ITFG1: variants seen among roughly 807,000 people sequenced by gnomAD.
ITFG1 encodes the protein T-cell immunomodulatory protein.
In ITFG1, 34 loss-of-function variants were observed where a neutral mutation model predicts 81.8. The observed-to-expected ratio is 0.42, with a 90% CI of 0.32 to 0.55. The LOEUF is 0.55. ITFG1 is among the 20% of genes least tolerant of loss of function. ITFG1 has a pLI of 0.17. For missense variants in ITFG1, 672 were observed against 755.4 expected, an observed-to-expected ratio of 0.89 and a Z score of 1.29; for synonymous variants, 285 against 270.6, an observed-to-expected ratio of 1.05 and a Z score of -0.52.
chr16:47,171,167 A>G (rs985943916), intron 14 of ITFG1, among the ~76,000 whole-genome samples: 1 of 150,828 alleles, frequency 6.6e-6, no homozygotes, highest in African/African-American at 2.4e-5. Flanking sequence ...GGTGCATGCC[A>G]CCACACATGG....
chr16:47,206,505 C>T (rs1965501722), intron 14 of ITFG1, among the ~76,000 whole-genome samples: 1 of 152,204 alleles, frequency 6.6e-6, no homozygotes, highest in Admixed American at 6.5e-5. Context: ...ATATGAAACT[C>T]CATACCTATC....
chr16:47,447,245 A>G (rs1969335695), intron 5 of ITFG1, among the ~76,000 whole-genome samples: 1 of 152,210 alleles, frequency 6.6e-6, no homozygotes, highest in Non-Finnish European at 1.5e-5. Context: ...ACAAGGAAAC[A>G]AAGTTTTAAT....
chr16:47,261,139 A>G lies in ITFG1; in HGVS notation c.1071-444T>C, dbSNP rs77793833. 5.7e-4 allele frequency among the ~76,000 whole-genome samples: 87 copies of G among 152,340 alleles called. 1 individual carries two copies. The East Asian group carries it at 0.012, about 21-fold the overall frequency. Reference sequence around the variant, plus strand: ...TGCTCTCATAGGTGGTAGGGCAGATATTGCCAAGCATCTCTCAGATAACAG... The same window carrying G: ...TGCTCTCATAGGTGGTAGGGCAGATGTTGCCAAGCATCTCTCAGATAACAG... On this transcript the variant is annotated intron_variant, in intron 10 of 17. Transcript: ENST00000320640.
intron 13 of ITFG1, among the ~76,000 whole-genome samples, chr16:47,232,220 T>G (rs1596822968): frequency 2.0e-5 from 3 of 152,358 alleles, no homozygotes; most frequent in Middle Eastern, 6.8e-3. Context: ...ACTAAGTTTA[T>G]GTTAATTTGT....
chr16:47,327,572 C>T (rs1303071380), intron 8 of ITFG1, among the ~76,000 whole-genome samples: 2 of 152,110 alleles, frequency 1.3e-5, no homozygotes, highest in East Asian at 1.9e-4. Flanking sequence ...TTGCAACCTA[C>T]TCATCTGACA....
At chr16:47,223,808 A>G (rs1215724491) in intron 13 of ITFG1, among the ~76,000 whole-genome samples, 1 of 152,170 alleles carries the variant, frequency 6.6e-6, no homozygotes, top group African/African-American at 2.4e-5. Flanking sequence ...AAGACTTGGA[A>G]CCAACCCAAA....
At chr16:47,180,021 G>A (rs527856781) in intron 14 of ITFG1, among the ~76,000 whole-genome samples, 1 of 152,242 alleles carries the variant, frequency 6.6e-6, no homozygotes, top group African/African-American at 2.4e-5. Flanking sequence ...TGAAATATGT[G>A]GTAGACAGAA....
At chr16:47,438,835 G>A (rs1969205711) in intron 5 of ITFG1, among the ~76,000 whole-genome samples, 1 of 152,232 alleles carries the variant, frequency 6.6e-6, no homozygotes, top group East Asian at 1.9e-4. Context: ...GCTGGATGGA[G>A]AATGACTTTG....
chr16:47,394,142 A>G (rs1415708064), intron 6 of ITFG1, among the ~76,000 whole-genome samples: 4 of 152,204 alleles, frequency 2.6e-5, no homozygotes, highest in East Asian at 1.9e-4. Context: ...AACTCATTGC[A>G]TTATATTTTT....
chr16:47,167,077 C>G (rs1039729498), intron 14 of ITFG1, among the ~76,000 whole-genome samples: 1 of 152,300 alleles, frequency 6.6e-6, no homozygotes, highest in Admixed American at 6.5e-5. Context: ...ACTTTTTCAT[C>G]ACCCTATAAC....
intron 13 of ITFG1, among the ~76,000 whole-genome samples, chr16:47,219,930 A>G (rs901553767): frequency 5.9e-5 from 9 of 152,250 alleles, no homozygotes; most frequent in African/African-American, 2.2e-4. Flanking sequence ...CAAATATGCA[A>G]AATAAACTTA....
At chr16:47,441,980 A>G (rs941699045) in intron 5 of ITFG1, among the ~76,000 whole-genome samples, 5 of 152,218 alleles carry the variant, frequency 3.3e-5, no homozygotes, top group Non-Finnish European at 5.9e-5. Flanking sequence ...ACTTCAGCAA[A>G]GTCTCAGGAT....
intron 10 of ITFG1, among the ~76,000 whole-genome samples, chr16:47,302,879 T>C (rs1016934932): frequency 2.0e-5 from 3 of 152,224 alleles, no homozygotes; most frequent in Non-Finnish European, 4.4e-5. Flanking sequence ...TGCACATTGG[T>C]ATGAAGAAAA....
intron 5 of ITFG1, among the ~76,000 whole-genome samples, chr16:47,438,955 G>A (rs936599518): frequency 3.3e-5 from 5 of 152,118 alleles, no homozygotes; most frequent in African/African-American, 1.2e-4. Context: ...TAGACGAATG[G>A]ATAACTAGAA....
At chr16:47,212,993 C>T (rs1034990256) in intron 14 of ITFG1, among the ~76,000 whole-genome samples, 1 of 152,120 alleles carries the variant, frequency 6.6e-6, no homozygotes, top group Non-Finnish European at 1.5e-5. Context: ...TGGGTGCTTA[C>T]GTTATTAATC....
At chr16:47,440,332 G>A (rs1358852175) in intron 5 of ITFG1, among the ~76,000 whole-genome samples, 7 of 152,050 alleles carry the variant, frequency 4.6e-5, no homozygotes, top group East Asian at 1.9e-4. Flanking sequence ...TGCACCAAGC[G>A]GACCTAATAG....
chr16:47,286,045 G>C (rs1966868232), intron 10 of ITFG1, among the ~76,000 whole-genome samples: 2 of 152,160 alleles, frequency 1.3e-5, no homozygotes, highest in South Asian at 4.1e-4. Flanking sequence ...TCAGTATAGG[G>C]AGATGGAAGT....
chr16:47,200,046 G>T (rs1272544241), intron 14 of ITFG1, among the ~76,000 whole-genome samples: 2 of 151,792 alleles, frequency 1.3e-5, no homozygotes, highest in African/African-American at 4.9e-5. Context: ...AGCTTTGCTT[G>T]TTTGCCTGCT....
intron 10 of ITFG1, among the ~76,000 whole-genome samples, chr16:47,282,012 G>A (rs1253733195): frequency 6.6e-6 from 1 of 151,788 alleles, no homozygotes; most frequent in African/African-American, 2.4e-5. Flanking sequence ...TCAGCTTCAT[G>A]GGTACAATAT....
Sources: gnomAD v4.1 joint callset for allele counts (sites outside exome capture counted in the v4.1 genomes callset) on GRCh38, gnomAD v4.1.1 for gene constraint, MANE v1.5 for transcripts, NCBI Gene and HGNC (gene_info 2026-07-23, HGNC 2026-07-21) for gene names.